Variants in ALG5 observed in about 807,000 individuals in gnomAD.
ALG5 encodes the protein ALG5 dolichyl-phosphate beta-glucosyltransferase, also known as dolichyl-phosphate beta-glucosyltransferase.
ALG5 carries 26 observed loss-of-function variants against 51.8 expected under a neutral mutation model. That is an observed-to-expected ratio of 0.50 (90% CI 0.37 to 0.70). ALG5 has a LOEUF of 0.70. ALG5 is among the 30% of genes least tolerant of loss of function. The pLI, the probability that ALG5 is intolerant of heterozygous loss-of-function variation, is 0.00. For synonymous variants in ALG5, 141 were observed against 136.1 expected, an observed-to-expected ratio of 1.04 and a Z score of -0.25; for missense variants, 311 against 399.3, an observed-to-expected ratio of 0.78 and a Z score of 1.88.
Position 36,989,529 on chromosome 13 carries a change from C to G in ALG5, c.402G>C (p.Val134=). The G allele has an allele frequency of 6.2e-7, 1 of 1,612,980 alleles. No individual in the cohort carries two copies. The highest frequency in any genetic ancestry group is 8.5e-7 in the Non-Finnish European group (1 of 1,179,368). Residue 134 remains valine, a synonymous_variant, in exon 5 of 10, where the codon GTG becomes GTC. Coordinates refer to ENST00000239891, the MANE Select transcript of ALG5 (RefSeq NM_013338.5). ...TTCCACGATTCTTCACCAGGGTTAT[C>G]ACACGTACTTTGTCACTTCCATATT... The part of the protein sequence containing the change: ...CQKYGSDKVR[V]ITLVKNRGKG...
At chr13:36,998,867 A>C (rs2059066659) in intron 1 of ALG5, 1 of 205,492 alleles carries the variant, frequency 4.9e-6, no homozygotes, top group Admixed American at 6.0e-5. Context: ...GGTGGAGCAG[A>C]ACTGCAGCGG....
intron 8 of ALG5, among the ~76,000 whole-genome samples, chr13:36,959,182 T>C (rs1371040340): frequency 1.3e-5 from 2 of 151,710 alleles, no homozygotes; most frequent in South Asian, 4.2e-4. Context: ...AGGCAGAGAG[T>C]AGAATGGTGG....
rs182767428 is a variant in ALG5, at chr13:36,979,946, T to C, written c.561+5681A>G. ...CATGCACTCTCAGCTACTCGGGAGG[T>C]TGACACATGAGATTTGCTTGAACCC... On this transcript the variant is annotated intron_variant, in intron 6 of 9. Transcript: ENST00000239891. Among the ~76,000 whole-genome samples, 140 of 152,088 alleles carry C rather than the reference T, an allele frequency of 9.2e-4. 1 individual carries two copies. The highest frequency in any genetic ancestry group is 3.3e-3 in the African/African-American group (136 of 41,482).
intron 5 of ALG5, 74 bp from the exon 6 acceptor site, chr13:36,985,814 C>G: frequency 1.0e-6 from 1 of 979,266 alleles, no homozygotes; most frequent in Non-Finnish European, 1.5e-6. Flanking sequence ...TCAGTCTGTT[C>G]TACTTAAAAT....
intron 6 of ALG5, 122 bp downstream of exon 6, chr13:36,985,505 T>C: frequency 4.5e-6 from 3 of 659,660 alleles, no homozygotes; most frequent in Non-Finnish European, 5.2e-6. Flanking sequence ...GTACCATTTG[T>C]ATAAGGATTT....
At chr13:36,956,629 A>G (rs944334360) in intron 8 of ALG5, among the ~76,000 whole-genome samples, 3 of 152,300 alleles carry the variant, frequency 2.0e-5, no homozygotes, top group Admixed American at 1.3e-4. Context: ...TATGTACACA[A>G]TGAAATATTA....
At chr13:36,963,978 TAA>T (rs2058880336) in intron 8 of ALG5, among the ~76,000 whole-genome samples, 1 of 152,186 alleles carries the variant, frequency 6.6e-6, no homozygotes, top group Non-Finnish European at 1.5e-5. Flanking sequence ...TAAGTAAAAT[TAA>T]ATGTGACTCT....
intron 8 of ALG5, 30 bp downstream of exon 8, chr13:36,965,545 A>T (rs1566059452): frequency 6.2e-7 from 1 of 1,601,624 alleles, no homozygotes; most frequent in Non-Finnish European, 8.5e-7. Context: ...GTCATAAGAC[A>T]GACTGGATAC....
chr13:36,958,794 G>A (rs936629092), intron 8 of ALG5, among the ~76,000 whole-genome samples: 74 of 152,280 alleles, frequency 4.9e-4, no homozygotes, highest in Middle Eastern at 3.4e-3. Flanking sequence ...AGGGCTCACT[G>A]AAATACAAAT....
At chr13:36,980,195 A>G (rs973702255) in intron 6 of ALG5, among the ~76,000 whole-genome samples, 4 of 152,172 alleles carry the variant, frequency 2.6e-5, no homozygotes, top group Admixed American at 2.6e-4. Context: ...AAGCAACTGA[A>G]CAAGTGATCA....
chr13:36,976,425 C>CAAAA (rs57192095), intron 6 of ALG5, among the ~76,000 whole-genome samples: 40 of 36,592 alleles, frequency 1.1e-3, no homozygotes, highest in African/African-American at 1.5e-3. Flanking sequence ...GACTCTGTCT[C>CAAAA]AAAAAAAAAA....
chr13:36,976,554 C>G (rs2058952375), intron 6 of ALG5, among the ~76,000 whole-genome samples: 3 of 151,838 alleles, frequency 2.0e-5, no homozygotes, highest in Admixed American at 2.0e-4. Flanking sequence ...TCAAGACTAG[C>G]CTGGCCAACA....
intron 8 of ALG5, among the ~76,000 whole-genome samples, chr13:36,958,893 G>A (rs1306668660): frequency 6.6e-6 from 1 of 152,072 alleles, no homozygotes; most frequent in Admixed American, 6.6e-5. Context: ...TATAAACCCA[G>A]GCATTCGAGC....
intron 6 of ALG5, among the ~76,000 whole-genome samples, chr13:36,978,155 G>A (rs1281326766): frequency 6.7e-6 from 1 of 149,958 alleles, no homozygotes; most frequent in Non-Finnish European, 1.5e-5. Context: ...CAAAGTGCTG[G>A]GATTATAGGC....
intron 4 of ALG5, among the ~76,000 whole-genome samples, chr13:36,993,224 T>C (rs1003535563): frequency 1.3e-5 from 2 of 152,232 alleles, no homozygotes; most frequent in African/African-American, 4.8e-5. Flanking sequence ...AGGACACACC[T>C]GCTTCCCAGG....
intron 4 of ALG5, among the ~76,000 whole-genome samples, chr13:36,990,615 A>G (rs771388018): frequency 6.6e-6 from 1 of 152,202 alleles, no homozygotes; most frequent in Non-Finnish European, 1.5e-5. Flanking sequence ...GTCTGTTTAG[A>G]GCCCAGACTC....
intron 7 of ALG5, chr13:36,967,547 A>T (rs1164537287): frequency 1.7e-5 from 4 of 232,098 alleles, no homozygotes; most frequent in Non-Finnish European, 3.5e-5. Flanking sequence ...TAAATAGGGC[A>T]GGAAGGAAAG....
intron 1 of ALG5, among the ~76,000 whole-genome samples, chr13:36,997,745 G>A (rs939551747): frequency 6.6e-6 from 1 of 152,224 alleles, no homozygotes; most frequent in South Asian, 2.1e-4. Context: ...TAAATGCTGA[G>A]GATTTAAAGA....
In ALG5 at chr13:36,965,637, C is replaced by T. The variant is rs752320195; in HGVS notation, c.711G>A (p.Gly237=). 1.2e-6 allele frequency: 2 copies of T among 1,613,900 alleles called. No individual in the cohort carries two copies. The highest frequency in any genetic ancestry group is 1.3e-5 in the African/African-American group (1 of 74,886). ...CTGCTTCTCGAGTAAATAATTTGAACCCACACTGTGTGTCCCTGATTCCTT... is the reference window on the plus strand; with the variant it reads ...CTGCTTCTCGAGTAAATAATTTGAATCCACACTGTGTGTCCCTGATTCCTT... ...CVKGIRDTQC[G]FKLFTREAAS... Residue 237 remains glycine (G), a synonymous_variant, in exon 8 of 10, where the codon GGG becomes GGA. Transcript: ENST00000239891.
Sources: allele counts gnomAD v4.1 joint callset (sites outside exome capture counted in the v4.1 genomes callset), GRCh38; gene constraint gnomAD v4.1.1; transcripts MANE v1.5; gene names NCBI Gene and HGNC (gene_info 2026-07-23, HGNC 2026-07-21).